Variants in PAM observed in about 807,000 individuals in gnomAD.
PAM encodes the protein peptidylglycine alpha-amidating monooxygenase.
PAM carries 72 observed loss-of-function variants against 122.1 expected under a neutral mutation model. The observed-to-expected ratio is 0.59, with a 90% CI of 0.49 to 0.72. The LOEUF (loss-of-function observed/expected upper bound fraction) is 0.72. Among genes scored for constraint, PAM ranks in the 30% least tolerant of loss-of-function variants. The probability of loss-of-function intolerance (pLI) is 0.00; values close to 1 mark genes in which losing one functional copy is unlikely to be tolerated. For missense variants in PAM, 1,106 were observed against 1,183.7 expected, an observed-to-expected ratio of 0.93 and a Z score of 0.96; for synonymous variants, 389 against 404.4, an observed-to-expected ratio of 0.96 and a Z score of 0.46.
At chr5:102,775,050 T>C (rs1561409554) in intron 1 of PAM, among the ~76,000 whole-genome samples, 1 of 152,040 alleles carries the variant, frequency 6.6e-6, no homozygotes, top group East Asian at 1.9e-4. Context: ...TGGAATTTAA[T>C]TTTATATATG....
chr5:102,893,271 C>T (rs941576197), intron 3 of PAM, among the ~76,000 whole-genome samples: 1 of 151,656 alleles, frequency 6.6e-6, no homozygotes, highest in South Asian at 2.1e-4. Flanking sequence ...ATGAAATTAA[C>T]CTCCATTTGG....
chr5:103,010,916 C>A (rs1324345253), intron 21 of PAM, among the ~76,000 whole-genome samples: 2 of 152,104 alleles, frequency 1.3e-5, no homozygotes, highest in African/African-American at 4.8e-5. Context: ...AAGCATTTAT[C>A]CTTTGTGTTA....
At chr5:102,792,264 T>A (rs143332445) in intron 1 of PAM, among the ~76,000 whole-genome samples, 2 of 152,282 alleles carry the variant, frequency 1.3e-5, no homozygotes, top group African/African-American at 4.8e-5. Context: ...ACAAAAGTAA[T>A]CTAAAATCTT....
intron 3 of PAM, chr5:102,873,253 G>A (rs1279413856): frequency 6.6e-6 from 1 of 152,062 alleles, no homozygotes; most frequent in Non-Finnish European, 1.5e-5. Flanking sequence ...AAAAGGAAGG[G>A]AGACACCCCA....
intron 7 of PAM, among the ~76,000 whole-genome samples, chr5:102,930,223 G>T (rs1013676647): frequency 6.6e-6 from 1 of 152,170 alleles, no homozygotes; most frequent in African/African-American, 2.4e-5. Context: ...TAGTCTTCCT[G>T]CCTGTAGGAG....
intron 1 of PAM, chr5:102,837,766 C>T (rs1190682839): frequency 6.6e-6 from 1 of 152,126 alleles, no homozygotes; most frequent in African/African-American, 2.4e-5. Context: ...ATTATATGTG[C>T]ACTTTTAAGC....
At chr5:102,773,827 G>T (rs1397906788) in intron 1 of PAM, among the ~76,000 whole-genome samples, 1 of 151,962 alleles carries the variant, frequency 6.6e-6, no homozygotes, top group Non-Finnish European at 1.5e-5. Flanking sequence ...TTGTCACCCA[G>T]GTATTAAGCC....
chr5:103,010,716 C>A (rs1229740293), intron 21 of PAM, among the ~76,000 whole-genome samples: 2 of 151,970 alleles, frequency 1.3e-5, no homozygotes, highest in African/African-American at 4.8e-5. Context: ...TTTTAAGATA[C>A]CAGATTTGCT....
At chr5:102,952,940 CAT>C (rs1423102480) in intron 12 of PAM, among the ~76,000 whole-genome samples, 8 of 152,268 alleles carry the variant, frequency 5.3e-5, no homozygotes, top group Admixed American at 3.9e-4. Flanking sequence ...GTGAAGCACA[CAT>C]AGGTATAAAT....
chr5:102,834,039 A>T (rs1478820038), intron 1 of PAM, among the ~76,000 whole-genome samples: 1 of 152,194 alleles, frequency 6.6e-6, no homozygotes, highest in East Asian at 1.9e-4. Context: ...TCAATCAAAG[A>T]TGGGTTCAAA....
intron 1 of PAM, among the ~76,000 whole-genome samples, chr5:102,776,295 C>G (rs1757167287): frequency 6.6e-6 from 1 of 151,994 alleles, no homozygotes; most frequent in Admixed American, 6.6e-5. Context: ...TATCTTTTCA[C>G]TCTTGGGATA....
At chr5:102,991,385 A>T (rs1178536085) in intron 16 of PAM, among the ~76,000 whole-genome samples, 1 of 152,200 alleles carries the variant, frequency 6.6e-6, no homozygotes, top group East Asian at 1.9e-4. Flanking sequence ...TTATTTCAAT[A>T]CAAATTTACA....
At chr5:102,998,756 G>T (rs1018247692) in intron 16 of PAM, among the ~76,000 whole-genome samples, 2 of 151,340 alleles carry the variant, frequency 1.3e-5, no homozygotes, top group African/African-American at 4.9e-5. Flanking sequence ...ATTAAAAAAA[G>T]AGGGGGAAAG....
intron 24 of PAM, among the ~76,000 whole-genome samples, chr5:103,027,153 G>A (rs1312203100): frequency 1.3e-5 from 2 of 152,088 alleles, no homozygotes; most frequent in East Asian, 3.9e-4. Context: ...AAACCCTAAT[G>A]GACCTTCCAT....
chr5:102,788,460 C>T (rs1761172705), intron 1 of PAM, among the ~76,000 whole-genome samples: 2 of 152,106 alleles, frequency 1.3e-5, no homozygotes, highest in Non-Finnish European at 2.9e-5. Flanking sequence ...AACTACGTTT[C>T]TCTCCTCAGC....
intron 5 of PAM, among the ~76,000 whole-genome samples, chr5:102,918,068 A>G (rs2151626103): frequency 6.6e-6 from 1 of 152,230 alleles, no homozygotes; most frequent in East Asian, 1.9e-4. Flanking sequence ...GTCCCTTTAT[A>G]GTTAGAGTGG....
chr5:102,962,121 T>C (rs1646271395), intron 14 of PAM, among the ~76,000 whole-genome samples: 1 of 151,858 alleles, frequency 6.6e-6, no homozygotes, highest in Non-Finnish European at 1.5e-5. Flanking sequence ...AAAATATCAC[T>C]CTTGTATGAA....
At chr5:102,837,829 G>A (rs1419299978) in intron 1 of PAM, 2 of 152,096 alleles carry the variant, frequency 1.3e-5, no homozygotes, top group Non-Finnish European at 2.9e-5. Context: ...TCATTATAAT[G>A]CAATCAATTA....
At chr5:102,755,779 C>T (rs746235647) in intron 1 of PAM, among the ~76,000 whole-genome samples, 1 of 152,062 alleles carries the variant, frequency 6.6e-6, no homozygotes, top group Non-Finnish European at 1.5e-5. Flanking sequence ...GGTTCTCCGC[C>T]CGCCCTTCAG....
Sources: allele counts gnomAD v4.1 joint callset (sites outside exome capture counted in the v4.1 genomes callset), GRCh38; gene constraint gnomAD v4.1.1; transcripts MANE v1.5; gene names NCBI Gene and HGNC (gene_info 2026-07-23, HGNC 2026-07-21).